Variants in BMP2K observed in about 807,000 individuals in gnomAD.
BMP2K encodes the protein BMP-2-inducible protein kinase.
A neutral mutation model predicts 116.0 loss-of-function variants in BMP2K; 74 were observed. The observed-to-expected ratio is 0.64, with a 90% CI of 0.53 to 0.77. The LOEUF (loss-of-function observed/expected upper bound fraction) is 0.77. Ranked by LOEUF, BMP2K falls within the 30% of genes least tolerant of loss-of-function variation. The probability of loss-of-function intolerance (pLI) is 0.00; values close to 1 mark genes in which losing one functional copy is unlikely to be tolerated. For synonymous variants in BMP2K, 486 were observed against 502.5 expected, an observed-to-expected ratio of 0.97 and a Z score of 0.44; for missense variants, 1,365 against 1,403.6, an observed-to-expected ratio of 0.97 and a Z score of 0.44.
intron 11 of BMP2K, 132 bp downstream of exon 11, chr4:78,871,192 A>C (rs1732339157): frequency 7.6e-6 from 11 of 1,456,438 alleles, no homozygotes; most frequent in Non-Finnish European, 1.0e-5. Context: ...CCAATTTTCT[A>C]ATTATGAAAG....
At position 78,872,793 on chromosome 4, in the gene BMP2K, C is replaced by T; in HGVS notation, c.1788C>T (p.Ala596=). The T allele has an allele frequency of 1.9e-6, 3 of 1,611,914 alleles. No homozygotes were observed. The highest frequency in any genetic ancestry group is 2.5e-6 in the Non-Finnish European group (3 of 1,178,886). ...CCATAATGGACTCCTCCTATAGTGC[C>T]AATAGGCAAGTATTTTTCCAGTGAA... The part of the protein sequence containing the change: ...VGTIMDSSYS[A]NRSVADKEAI... Residue 596 remains alanine, a synonymous_variant, in exon 13 of 16, where the codon GCC becomes GCT. Coordinates refer to ENST00000502613, the MANE Select transcript of BMP2K (RefSeq NM_198892.2).
Position 78,912,505 on chromosome 4 carries a change from T to C in BMP2K, c.*472T>C, listed in dbSNP as rs1279720724. On this transcript the variant is annotated 3_prime_UTR_variant, in exon 16 of 16. Coordinates refer to ENST00000502613, the MANE Select transcript of BMP2K (RefSeq NM_198892.2). ...ACAGTTAAAAACAATCTAGTTATCT[T>C]AAAGCATTAGAAAGTTATTATCTGG... 1 of 154,358 alleles carries C rather than the reference T, an allele frequency of 6.5e-6. No homozygotes were observed. Among genetic ancestry groups the C allele is most frequent in the East Asian group, 1.9e-4 (1 of 5,220 alleles). 9.6% of individuals were successfully genotyped at this position (154,358 alleles called of 1,614,324 possible). A position where few individuals can be genotyped will look rare whatever the true frequency, so the allele number is the denominator to read the frequency against.
chr4:78,785,100 A>G (rs1183930770), intron 1 of BMP2K, among the ~76,000 whole-genome samples: 3 of 151,976 alleles, frequency 2.0e-5, no homozygotes, highest in African/African-American at 7.2e-5. Context: ...GTATGAAATT[A>G]TTTTTATTTT....
chr4:78,883,776 G>C (rs1009606121), intron 14 of BMP2K, among the ~76,000 whole-genome samples: 3 of 152,108 alleles, frequency 2.0e-5, no homozygotes, highest in Admixed American at 6.5e-5. Flanking sequence ...TAAATACGTG[G>C]AGAGGGTCAG....
At chr4:78,834,010 A>G (rs1417417183) in intron 3 of BMP2K, among the ~76,000 whole-genome samples, 3 of 152,200 alleles carry the variant, frequency 2.0e-5, no homozygotes, top group Admixed American at 6.5e-5. Flanking sequence ...TAATATGTCA[A>G]TATTAATGTT....
intron 2 of BMP2K, among the ~76,000 whole-genome samples, chr4:78,832,103 G>A (rs1730237125): frequency 6.6e-6 from 1 of 152,060 alleles, no homozygotes. Flanking sequence ...AAAATTATTT[G>A]ATGAGCATTT....
At chr4:78,829,792 C>T (rs28882799) in intron 2 of BMP2K, among the ~76,000 whole-genome samples, 4,375 of 60,982 alleles carry the variant, frequency 0.072, 118 homozygotes, top group African/African-American at 0.17. Context: ...TTTCTTTTCT[C>T]TTCTCTTCTC....
chr4:78,907,305 T>A (rs1734334073), intron 15 of BMP2K, among the ~76,000 whole-genome samples: 1 of 152,148 alleles, frequency 6.6e-6, no homozygotes, highest in Admixed American at 6.5e-5. Flanking sequence ...ATGAGAAGTA[T>A]AAAGTGACAG....
chr4:78,783,806 A>AAAATAAAT (rs886454344), intron 1 of BMP2K, among the ~76,000 whole-genome samples: 1 of 151,868 alleles, frequency 6.6e-6, no homozygotes, highest in African/African-American at 2.4e-5. Flanking sequence ...ACGCTGTCTC[A>AAAATAAAT]AAATAAATAA....
intron 3 of BMP2K, among the ~76,000 whole-genome samples, chr4:78,834,097 T>G (rs1730340015): frequency 1.3e-5 from 2 of 152,190 alleles, no homozygotes; most frequent in Admixed American, 1.3e-4. Context: ...TTTTGATCTA[T>G]AGACTTTATA....
At chr4:78,895,639 G>A (rs1733663038) in intron 15 of BMP2K, among the ~76,000 whole-genome samples, 1 of 152,228 alleles carries the variant, frequency 6.6e-6, no homozygotes, top group South Asian at 2.1e-4. Context: ...ATTAATGGAA[G>A]TTGGGATGTA....
chr4:78,813,209 A>G (rs556032168), intron 1 of BMP2K, among the ~76,000 whole-genome samples: 97 of 152,330 alleles, frequency 6.4e-4, no homozygotes, highest in Non-Finnish European at 1.3e-3. Context: ...CCAGTCATTC[A>G]GGAAATCGTA....
chr4:78,799,827 C>G (rs1728484762), intron 1 of BMP2K, among the ~76,000 whole-genome samples: 1 of 152,190 alleles, frequency 6.6e-6, no homozygotes, highest in African/African-American at 2.4e-5. Context: ...AGGTCCCTGC[C>G]TGCCAACTCA....
At chr4:78,905,593 A>G (rs891377423) in intron 15 of BMP2K, among the ~76,000 whole-genome samples, 1 of 151,952 alleles carries the variant, frequency 6.6e-6, no homozygotes, top group Admixed American at 6.6e-5. Flanking sequence ...AAGAACAGCT[A>G]TTTTTATGTT....
chr4:78,790,175 A>G (rs534912955), intron 1 of BMP2K, among the ~76,000 whole-genome samples: 2 of 152,320 alleles, frequency 1.3e-5, no homozygotes, highest in East Asian at 3.9e-4. Flanking sequence ...TACATTTGGC[A>G]TATTTTTATA....
chr4:78,798,428 C>T (rs1728404156), intron 1 of BMP2K, among the ~76,000 whole-genome samples: 1 of 152,188 alleles, frequency 6.6e-6, no homozygotes, highest in Non-Finnish European at 1.5e-5. Flanking sequence ...GTAGTCTCAT[C>T]AAGGGAGAAC....
chr4:78,801,695 G>C (rs1162910379), intron 1 of BMP2K, among the ~76,000 whole-genome samples: 1 of 151,968 alleles, frequency 6.6e-6, no homozygotes, highest in African/African-American at 2.4e-5. Context: ...TACTTTTTCT[G>C]TTGTTTTAGT....
intron 15 of BMP2K, among the ~76,000 whole-genome samples, chr4:78,901,371 G>C (rs1289689217): frequency 6.6e-6 from 1 of 151,944 alleles, no homozygotes; most frequent in Non-Finnish European, 1.5e-5. Context: ...CAAACTTCTT[G>C]TAAAATTTAT....
At chr4:78,845,161 A>C in intron 5 of BMP2K, 112 bp downstream of exon 5, 1 of 956,450 alleles carries the variant, frequency 1.0e-6, no homozygotes, top group Middle Eastern at 2.6e-4. Context: ...ATTTCTTTGA[A>C]ATATTTCTGT....
Sources: gnomAD v4.1 joint callset for allele counts (sites outside exome capture counted in the v4.1 genomes callset) on GRCh38, gnomAD v4.1.1 for gene constraint, MANE v1.5 for transcripts, NCBI Gene and HGNC (gene_info 2026-07-23, HGNC 2026-07-21) for gene names.